Variants in CHMP4C observed in about 807,000 individuals in gnomAD.
CHMP4C encodes charged multivesicular body protein 4C, also known as SNF7 homolog associated with Alix 3.
CHMP4C carries 28 observed loss-of-function variants against 29.0 expected under a neutral mutation model. That is an observed-to-expected ratio of 0.97 (90% CI 0.72 to 1.32). CHMP4C has a LOEUF of 1.32. Ranked by LOEUF, CHMP4C falls within the 40% of genes most tolerant of loss-of-function variation. The pLI is 0.00. For missense variants in CHMP4C, 291 were observed against 281.0 expected (o/e 1.04, Z -0.25); for synonymous variants, 106 against 102.4 (o/e 1.04, Z -0.21).
At chr8:81,748,925 A>G (rs1320901820) in intron 1 of CHMP4C, among the ~76,000 whole-genome samples, 1 of 28,720 alleles carries the variant, frequency 3.5e-5, no homozygotes, top group Non-Finnish European at 7.7e-5. Context: ...GACTCTGTGT[A>G]AAAAAAAAAA....
chr8:81,750,113 G>A (rs1190571687), intron 1 of CHMP4C, among the ~76,000 whole-genome samples: 2 of 152,116 alleles, frequency 1.3e-5, no homozygotes, highest in Non-Finnish European at 2.9e-5. Context: ...GATTTGCAGG[G>A]AGATTAAAGA....
intron 1 of CHMP4C, among the ~76,000 whole-genome samples, chr8:81,748,186 TTTAAGG>T (rs1370694824): frequency 6.6e-6 from 1 of 152,064 alleles, no homozygotes; most frequent in African/African-American, 2.4e-5. Context: ...GCAGTCAGAG[TTTAAGG>T]TTATCTCTCT....
chr8:81,747,186 T>G (rs2130486341), intron 1 of CHMP4C, among the ~76,000 whole-genome samples: 1 of 152,256 alleles, frequency 6.6e-6, no homozygotes, highest in East Asian at 1.9e-4. Context: ...TACACACAGG[T>G]ATTAAGTGGT....
intron 1 of CHMP4C, among the ~76,000 whole-genome samples, chr8:81,739,657 T>C (rs2130477107): frequency 6.6e-6 from 1 of 152,346 alleles, no homozygotes; most frequent in East Asian, 1.9e-4. Context: ...CCCTCTTCAC[T>C]TAAGTTGTTG....
chr8:81,748,928 A>AG (rs1808863716), intron 1 of CHMP4C, among the ~76,000 whole-genome samples: 1 of 150,312 alleles, frequency 6.7e-6, no homozygotes, highest in Non-Finnish European at 1.5e-5. Context: ...TCTGTGTAAA[A>AG]AAAAAAAAAA....
chr8:81,737,798 G>A (rs1446696194), intron 1 of CHMP4C, among the ~76,000 whole-genome samples: 5 of 152,184 alleles, frequency 3.3e-5, no homozygotes, highest in East Asian at 1.9e-4. Flanking sequence ...TCAGTGCAGT[G>A]CTTTATAAAC....
chr8:81,757,584 G>A (rs1808988100), intron 3 of CHMP4C, among the ~76,000 whole-genome samples: 1 of 152,140 alleles, frequency 6.6e-6, no homozygotes, highest in African/African-American at 2.4e-5. Context: ...TCGGACTATT[G>A]CTAAAAGAAG....
chr8:81,755,522 G>A (rs923860424), intron 3 of CHMP4C, 38 bp downstream of exon 3: 6 of 1,213,006 alleles, frequency 4.9e-6, no homozygotes, highest in Non-Finnish European at 3.7e-6. Context: ...GATTGTGGCT[G>A]CTATAAAGAG....
chr8:81,732,845 A>G (rs1315277475), intron 1 of CHMP4C, 29 bp downstream of exon 1: 18 of 1,594,870 alleles, frequency 1.1e-5, no homozygotes, highest in Non-Finnish European at 1.5e-5. Context: ...CACAGGCGGG[A>G]GCCCATCTGC....
At position 81,732,795 on chromosome 8, in the gene CHMP4C, C is replaced by A. The variant is rs1180470734; in HGVS notation, c.169C>A (p.His57Asn). The change falls in exon 1 of 5, where the codon CAC (histidine) becomes AAC (asparagine). Residue 57 changes from histidine (H) to asparagine (N), a missense_variant. Coordinates refer to ENST00000297265, the MANE Select transcript of CHMP4C (RefSeq NM_152284.4). ...IQREIALAKK[H>N]GTQNKRAALQ... is the part of the protein sequence containing the mutation. Reference sequence around the variant, plus strand: ...GAGAGAAATCGCCCTGGCCAAGAAGCACGGCACGCAGAATAAGCGAGGTAG... The same window carrying A: ...GAGAGAAATCGCCCTGGCCAAGAAGAACGGCACGCAGAATAAGCGAGGTAG... The A allele has an allele frequency of 1.2e-6, 2 of 1,612,240 alleles. No individual in the cohort carries two copies. The highest frequency in any genetic ancestry group is 1.7e-6 in the Non-Finnish European group (2 of 1,179,236).
intron 1 of CHMP4C, among the ~76,000 whole-genome samples, chr8:81,740,385 T>C (rs1476772159): frequency 6.6e-6 from 1 of 152,208 alleles, no homozygotes; most frequent in Admixed American, 6.5e-5. Context: ...GCATGCTCAG[T>C]TCACAATAGG....
At chr8:81,753,392 G>C in intron 2 of CHMP4C, 151 bp downstream of exon 2, 1 of 465,300 alleles carries the variant, frequency 2.1e-6, no homozygotes, top group East Asian at 3.5e-5. Flanking sequence ...AAAGATTAAA[G>C]GTTATAGCAA....
At position 81,755,453 on chromosome 8, in the gene CHMP4C, A is replaced by G. The variant is rs766325214; in HGVS notation, c.452A>G (p.Gln151Arg). ...IAQEISEAFS[Q>R]RVGFGDDFDE... ...CAAGAAATCTCAGAAGCATTTTCTC[A>G]ACGGGTTGGCTTTGGTGATGACTTT... The change falls in exon 3 of 5, where the codon CAA becomes CGA. Residue 151 changes from glutamine (Q) to arginine (R), a missense_variant. Physicochemically the swap from Gln to Arg is conservative, Grantham distance 43 (BLOSUM62 1). Transcript: ENST00000297265. The G allele has an allele frequency of 1.1e-5, 17 of 1,609,658 alleles. No homozygotes were observed. The East Asian group carries it at 3.8e-4, about 36-fold the overall frequency.
At chr8:81,752,680 C>T (rs1309549061) in intron 1 of CHMP4C, among the ~76,000 whole-genome samples, 1 of 152,134 alleles carries the variant, frequency 6.6e-6, no homozygotes, top group Non-Finnish European at 1.5e-5. Context: ...GGGCTAGAAT[C>T]AAAGGCCATT....
intron 1 of CHMP4C, among the ~76,000 whole-genome samples, chr8:81,746,528 T>A (rs1808825547): frequency 6.6e-6 from 1 of 152,198 alleles, no homozygotes; most frequent in African/African-American, 2.4e-5. Flanking sequence ...GAGAAACAGT[T>A]CTCTCTTTTT....
In CHMP4C at chr8:81,755,618, A is replaced by G; in HGVS notation, c.483+134A>G. 2 of 519,252 alleles carry G rather than the reference A, an allele frequency of 3.9e-6. 1 individual carries two copies. The highest frequency in any genetic ancestry group is 6.6e-5 in the South Asian group (2 of 30,522). The allele number at this position is 519,252 out of a possible 1,614,324, so 32.2% of individuals were successfully genotyped here. On this transcript the variant is annotated intron_variant, in intron 3 of 4. Coordinates refer to ENST00000297265, the MANE Select transcript of CHMP4C (RefSeq NM_152284.4). ...GTAAGAAAGGTACTTCTCTTAAGAG[A>G]AAAATAAAGTGTTAGTACCTCTGAT...
intron 1 of CHMP4C, among the ~76,000 whole-genome samples, chr8:81,737,345 C>G (rs920639453): frequency 2.0e-5 from 3 of 152,010 alleles, no homozygotes; most frequent in Non-Finnish European, 4.4e-5. Flanking sequence ...GATGGGAAGC[C>G]TAAATCCATA....
chr8:81,733,660 A>C (rs1703371446), intron 1 of CHMP4C, among the ~76,000 whole-genome samples: 1 of 152,208 alleles, frequency 6.6e-6, no homozygotes, highest in Admixed American at 6.5e-5. Flanking sequence ...TGCCAGAGTT[A>C]ACTGATTTCT....
Position 81,753,009 on chromosome 8 carries a change from C to T in CHMP4C, c.191-55C>T, listed in dbSNP as rs1640198674. The T allele has an allele frequency of 6.1e-6, 9 of 1,475,968 alleles. No homozygotes were observed. In the Admixed American group the frequency reaches 1.6e-4, roughly 27 times the overall value. 91.4% of individuals were successfully genotyped at this position (1,475,968 alleles called of 1,614,324 possible). Reference sequence around the variant, plus strand: ...CCATAGTGGTGCTGAGCAAACATCTCTTGATTTAGTGTCTCTTTCTCTTTC... The same window carrying T: ...CCATAGTGGTGCTGAGCAAACATCTTTTGATTTAGTGTCTCTTTCTCTTTC... On this transcript the variant is annotated intron_variant, in intron 1 of 4. Transcript: ENST00000297265.
Sources: gnomAD v4.1 joint callset for allele counts (sites outside exome capture counted in the v4.1 genomes callset) on GRCh38, gnomAD v4.1.1 for gene constraint, MANE v1.5 for transcripts, NCBI Gene and HGNC (gene_info 2026-07-23, HGNC 2026-07-21) for gene names.